Variants in ANKRD6 observed in about 807,000 individuals in gnomAD.
ANKRD6 encodes ankyrin repeat domain 6, also known as ankyrin repeat domain-containing protein 6.
Under a neutral mutation model 82.3 loss-of-function variants are expected in ANKRD6, and 56 were observed. That is an observed-to-expected ratio of 0.68 (90% CI 0.55 to 0.85). The LOEUF (loss-of-function observed/expected upper bound fraction) is 0.85, where lower values mean the gene tolerates loss of function less well. Among genes scored for constraint, ANKRD6 ranks in the 40% least tolerant of loss-of-function variants. The pLI is 0.00. For synonymous variants in ANKRD6, 347 were observed against 352.1 expected, an observed-to-expected ratio of 0.99 and a Z score of 0.16; for missense variants, 852 against 907.6, an observed-to-expected ratio of 0.94 and a Z score of 0.79.
At chr6:89,448,241 C>G (rs969515622) in intron 1 of ANKRD6, among the ~76,000 whole-genome samples, 1 of 151,860 alleles carries the variant, frequency 6.6e-6, no homozygotes, top group African/African-American at 2.4e-5. Flanking sequence ...TTGAGACCAG[C>G]CTGGGCAACA....
intron 1 of ANKRD6, among the ~76,000 whole-genome samples, chr6:89,565,774 T>C (rs73752771): frequency 0.099 from 15,135 of 152,290 alleles, 816 homozygotes; most frequent in Middle Eastern, 0.16. Flanking sequence ...GGTTGAAGGA[T>C]GGTATCTCTG....
chr6:89,439,444 T>C (rs1434808028), intron 1 of ANKRD6, among the ~76,000 whole-genome samples: 4 of 152,230 alleles, frequency 2.6e-5, no homozygotes, highest in Non-Finnish European at 5.9e-5. Context: ...GTAAAATTTG[T>C]ATCTGTTTTT....
intron 1 of ANKRD6, among the ~76,000 whole-genome samples, chr6:89,489,346 A>AT (rs1423312727): frequency 1.3e-5 from 2 of 152,228 alleles, no homozygotes; most frequent in African/African-American, 2.4e-5. Context: ...TGCTCTTGAC[A>AT]GAACAGAAGG....
chr6:89,608,864 C>T (rs1025260023), intron 5 of ANKRD6, among the ~76,000 whole-genome samples: 52 of 152,298 alleles, frequency 3.4e-4, no homozygotes, highest in African/African-American at 1.2e-3. Flanking sequence ...TCCTTTCATC[C>T]TGCTCTTCCT....
At chr6:89,484,228 GTTTTTTC>G (rs1777113013) in intron 1 of ANKRD6, among the ~76,000 whole-genome samples, 1 of 152,048 alleles carries the variant, frequency 6.6e-6, no homozygotes, top group Non-Finnish European at 1.5e-5. Context: ...ATTTTGAAGT[GTTTTTTC>G]TTTTTTCCTC....
intron 1 of ANKRD6, among the ~76,000 whole-genome samples, chr6:89,473,972 C>A (rs1447997883): frequency 1.3e-5 from 2 of 152,132 alleles, no homozygotes; most frequent in Non-Finnish European, 2.9e-5. Flanking sequence ...CAGAGTGAGA[C>A]CCTGTCTCAA....
chr6:89,596,067 G>C, intron 3 of ANKRD6, 53 bp downstream of exon 3: 2 of 1,471,640 alleles, frequency 1.4e-6, no homozygotes, highest in South Asian at 2.4e-5. Context: ...AGGTTTTCTG[G>C]CTAGAAATCC....
At chr6:89,534,446 T>A (rs533099747) in intron 1 of ANKRD6, among the ~76,000 whole-genome samples, 63 of 152,328 alleles carry the variant, frequency 4.1e-4, no homozygotes, top group Non-Finnish European at 8.1e-4. Context: ...AAAAAAAGCT[T>A]GTGCCTCCCC....
chr6:89,509,663 C>T (rs1024969058), intron 1 of ANKRD6, among the ~76,000 whole-genome samples: 9 of 152,154 alleles, frequency 5.9e-5, no homozygotes, highest in East Asian at 1.9e-4. Context: ...ATGGTACTTG[C>T]GGCATTAGCA....
intron 1 of ANKRD6, among the ~76,000 whole-genome samples, chr6:89,555,458 T>G (rs906651075): frequency 6.6e-6 from 1 of 152,136 alleles, no homozygotes; most frequent in Non-Finnish European, 1.5e-5. Context: ...AGTGGGCTTA[T>G]AGTCATTAAG....
At chr6:89,551,708 A>G (rs1160242132) in intron 1 of ANKRD6, among the ~76,000 whole-genome samples, 2 of 152,182 alleles carry the variant, frequency 1.3e-5, no homozygotes, top group Non-Finnish European at 2.9e-5. Context: ...TTCACAGAAG[A>G]GTCTTAAGCT....
At chr6:89,573,435 G>A (rs1182348034) in intron 2 of ANKRD6, among the ~76,000 whole-genome samples, 1 of 152,138 alleles carries the variant, frequency 6.6e-6, no homozygotes, top group Non-Finnish European at 1.5e-5. Flanking sequence ...ATCAGCCCGA[G>A]TCTTTTCCTG....
chr6:89,570,796 A>G (rs1463217841), intron 2 of ANKRD6, among the ~76,000 whole-genome samples: 5 of 152,218 alleles, frequency 3.3e-5, no homozygotes, highest in African/African-American at 1.2e-4. Context: ...TCATCCACTG[A>G]TGGACACTTG....
chr6:89,629,488 A>ACAT, intron 15 of ANKRD6: 2 of 508,574 alleles, frequency 3.9e-6, no homozygotes, highest in Non-Finnish European at 7.3e-6. Flanking sequence ...ACTGGTGATA[A>ACAT]CATTGCCTTG....
At chr6:89,456,337 A>G (rs1773506965) in intron 1 of ANKRD6, among the ~76,000 whole-genome samples, 1 of 152,166 alleles carries the variant, frequency 6.6e-6, no homozygotes. Flanking sequence ...GCCATAACAA[A>G]GTACTATAGA....
intron 2 of ANKRD6, among the ~76,000 whole-genome samples, chr6:89,575,631 G>T (rs989294966): frequency 5.9e-5 from 9 of 152,266 alleles, no homozygotes; most frequent in African/African-American, 2.2e-4. Flanking sequence ...CCAATAATGG[G>T]ATTGTACTTG....
chr6:89,527,601 CAAAAAAA>C (rs35855223), intron 1 of ANKRD6, among the ~76,000 whole-genome samples: 6 of 45,696 alleles, frequency 1.3e-4, no homozygotes, highest in African/African-American at 3.5e-4. Context: ...GACTCCGTCT[CAAAAAAA>C]AAAAAAAAAA....
chr6:89,544,503 A>T (rs762149929), intron 1 of ANKRD6, among the ~76,000 whole-genome samples: 1 of 152,160 alleles, frequency 6.6e-6, no homozygotes, highest in Non-Finnish European at 1.5e-5. Flanking sequence ...TCACAAGGTC[A>T]GGAGATCGAG....
rs116203147 is a variant in ANKRD6 at position 89,530,249 on chromosome 6, T to C, written c.-143-36585T>C. 4.8e-3 allele frequency among the ~76,000 whole-genome samples: 737 copies of C among 152,250 alleles called. 8 individuals carry two copies. Among genetic ancestry groups the C allele is most frequent in the Middle Eastern group, 0.017 (5 of 294 alleles). ...CAGCCTGGGCAACAGAGTGAGACCC[T>C]GTCTCAGAAGAAAAAAGTTTGAAAT... On this transcript the variant is annotated intron_variant, in intron 1 of 15. Coordinates refer to ENST00000339746, the MANE Select transcript of ANKRD6 (RefSeq NM_001242809.2).
Sources: allele counts gnomAD v4.1 joint callset (sites outside exome capture counted in the v4.1 genomes callset), GRCh38; gene constraint gnomAD v4.1.1; transcripts MANE v1.5; gene names NCBI Gene and HGNC (gene_info 2026-07-23, HGNC 2026-07-21).